LHCGR: variants seen among roughly 807,000 people sequenced by gnomAD.
LHCGR encodes luteinizing hormone/choriogonadotropin receptor.
Under a neutral mutation model 60.7 loss-of-function variants are expected in LHCGR, and 55 were observed. The ratio of observed to expected loss-of-function variants is 0.91; its 90% confidence interval spans 0.73 to 1.13. The LOEUF is 1.13. Among genes scored for constraint, LHCGR ranks in the 50% most tolerant of loss-of-function variants. The pLI is 0.00. For synonymous variants in LHCGR, 337 were observed against 316.5 expected (o/e 1.06, Z -0.69); for missense variants, 862 against 836.0 (o/e 1.03, Z -0.38).
Position 48,714,146 on chromosome 2 carries a change from G to C in LHCGR, c.537-92C>G, listed in dbSNP as rs565416095. The C allele has an allele frequency of 9.2e-4, 750 of 814,020 alleles. 7 individuals carry two copies. The South Asian group carries it at 0.01, about 11-fold the overall frequency. 50.4% of individuals were successfully genotyped at this position (814,020 alleles called of 1,614,324 possible). On this transcript the variant is annotated intron_variant, in intron 6 of 10. Transcript: ENST00000294954. ...TTCCTCCTGTAACATATATTACTAA[G>C]GTTATTACAGGCATTCATAATATCT... is the stretch of plus-strand genomic sequence containing the variant.
chr2:48,688,346 A>G lies in LHCGR; in HGVS notation c.1451T>C (p.Ile484Thr). ...GAGCCATCCTCCAAGCATAATCAGA[A>G]TGGCATGTCTTAATCGCAGCTTTTG... is the stretch of plus-strand genomic sequence containing the variant. ...LDQKLRLRHA[I>T]LIMLGGWLFS... The change falls in exon 11 of 11, where the codon ATT becomes ACT. Residue 484 changes from isoleucine (I) to threonine (T), a missense_variant. Physicochemically the swap from Ile to Thr is moderately conservative, Grantham distance 89. Coordinates refer to ENST00000294954, the MANE Select transcript of LHCGR (RefSeq NM_000233.4). This position sits in a 1 kb window ranked among gnomAD's most constrained non-coding sequence, Gnocchi z 5.2. The G allele has an allele frequency of 6.2e-7, 1 of 1,614,170 alleles. No homozygotes were observed. Among genetic ancestry groups the G allele is most frequent in the Non-Finnish European group, 8.5e-7 (1 of 1,180,032 alleles).
At chr2:48,702,033 G>C (rs528603478) in intron 8 of LHCGR, among the ~76,000 whole-genome samples, 1 of 152,218 alleles carries the variant, frequency 6.6e-6, no homozygotes, top group South Asian at 2.1e-4. Context: ...TTCAATCAAT[G>C]TTTGTTGAAT....
At chr2:48,719,292 T>C (rs1233937730) in intron 6 of LHCGR, among the ~76,000 whole-genome samples, 1 of 152,140 alleles carries the variant, frequency 6.6e-6, no homozygotes, top group Non-Finnish European at 1.5e-5. Context: ...GCTGCTTGGC[T>C]GGTTAGACAC....
In LHCGR at chr2:48,753,604, G is replaced by T. The variant is rs141905714; in HGVS notation, c.161+1907C>A. ...ATTCTTGAAACCCTGCTGAAAGGCA[G>T]CAGGAGAAAGTGGGATTTTTAAAAA... On this transcript the variant is annotated intron_variant, in intron 1 of 10. Coordinates refer to ENST00000294954, the MANE Select transcript of LHCGR (RefSeq NM_000233.4). 2.9e-3 allele frequency among the ~76,000 whole-genome samples: 435 copies of T among 152,284 alleles called. 3 individuals are homozygous for T. The highest frequency in any genetic ancestry group is 0.01 in the African/African-American group (419 of 41,558).
chr2:48,717,436 ATAATAGTATCAACCTCATAAAGCTATTG>A (rs1171330782), intron 6 of LHCGR, among the ~76,000 whole-genome samples: 1 of 152,230 alleles, frequency 6.6e-6, no homozygotes, highest in Admixed American at 6.5e-5. Context: ...TGAAAGTATG[ATAATAGTATCAACCTCATAAAGCTATTG>A]TAAGGACTGA....
chr2:48,695,794 A>G (rs143821390), intron 9 of LHCGR, among the ~76,000 whole-genome samples: 2 of 152,338 alleles, frequency 1.3e-5, no homozygotes, highest in African/African-American at 2.4e-5. Flanking sequence ...TTAAAAAACC[A>G]AATACTGCAT....
rs1483647192 is a variant in LHCGR, at chr2:48,752,995, GGT to G, written c.161+2514_161+2515del. On this transcript the variant is annotated intron_variant, in intron 1 of 10. Coordinates refer to ENST00000294954, the MANE Select transcript of LHCGR (RefSeq NM_000233.4). ...CCGGATTTTGGCGGGGGGGGGGGGG[GGT>G]GGGGAAGGGAAGTGTATGGCACAAG... Among the ~76,000 whole-genome samples, 801 of 95,318 alleles carry G rather than the reference GGT, an allele frequency of 8.4e-3. 4 individuals carry two copies. Among genetic ancestry groups the G allele is most frequent in the East Asian group, 0.025 (67 of 2,646 alleles). The allele number at this position is 95,318 out of a possible 152,430, so 62.5% of individuals were successfully genotyped here.
At chr2:48,737,767 C>T (rs569818083) in intron 1 of LHCGR, among the ~76,000 whole-genome samples, 1 of 152,312 alleles carries the variant, frequency 6.6e-6, no homozygotes, top group East Asian at 1.9e-4. Flanking sequence ...AAAAATACAT[C>T]CAGGTGGTTT....
At chr2:48,711,394 A>C (rs1442177900) in intron 7 of LHCGR, among the ~76,000 whole-genome samples, 1 of 152,220 alleles carries the variant, frequency 6.6e-6, no homozygotes, top group African/African-American at 2.4e-5. Flanking sequence ...TCAGTACCTA[A>C]CACGGTGCTT....
rs144623321 is a variant in LHCGR at position 48,697,022 on chromosome 2, G to C, written c.866+1593C>G. On this transcript the variant is annotated intron_variant, in intron 9 of 10. Transcript: ENST00000294954. ...CAAATTTGAGTCATCTTGCTTAAAA[G>C]TCTTCATGGCTCCCCATCCTCTAAA... 3.3e-3 allele frequency among the ~76,000 whole-genome samples: 501 copies of C among 152,252 alleles called. 16 individuals are homozygous for C. The highest frequency in any genetic ancestry group is 9.7e-4 in the East Asian group (5 of 5,176).
intron 1 of LHCGR, among the ~76,000 whole-genome samples, chr2:48,745,777 C>G (rs967712647): frequency 6.6e-6 from 1 of 150,854 alleles, no homozygotes; most frequent in African/African-American, 2.4e-5. Context: ...AGCGCACCAG[C>G]ATGGCACATG....
rs181287511 is a variant in LHCGR at position 48,703,306 on chromosome 2, T to G, written c.681-4506A>C. Among the ~76,000 whole-genome samples the G allele has an allele frequency of 1.1e-4, 16 of 152,354 alleles. No individual in the cohort carries two copies. In the East Asian group the frequency reaches 3.1e-3, roughly 29 times the overall value. Reference sequence around the variant, plus strand: ...GATCTCATTTGTCAATTTTGGCTTTTGTTGCCATTGCTTTTGGTGTTTTAG... The same window carrying G: ...GATCTCATTTGTCAATTTTGGCTTTGGTTGCCATTGCTTTTGGTGTTTTAG... On this transcript the variant is annotated intron_variant, in intron 8 of 10. Transcript: ENST00000294954.
chr2:48,691,818 C>T lies in LHCGR; in HGVS notation c.947+2406G>A, dbSNP rs185729475. Reference sequence around the variant, plus strand: ...CTGAGATCGTGCCACTGCACTCCAACCTAAGTGACAGACTGAGATTCTGTC... The same window carrying T: ...CTGAGATCGTGCCACTGCACTCCAATCTAAGTGACAGACTGAGATTCTGTC... On this transcript the variant is annotated intron_variant, in intron 10 of 10. Coordinates refer to ENST00000294954, the MANE Select transcript of LHCGR (RefSeq NM_000233.4). Among the ~76,000 whole-genome samples, 479 of 145,912 alleles carry T rather than the reference C, an allele frequency of 3.3e-3. 4 individuals are homozygous for T. Among genetic ancestry groups the T allele is most frequent in the Middle Eastern group, 0.014 (4 of 280 alleles).
In LHCGR at chr2:48,755,346, T is replaced by C. The variant is rs4073367; in HGVS notation, c.161+165A>G. Among the ~76,000 whole-genome samples the C allele has an allele frequency of 0.3, 44,838 of 151,800 alleles. 7,115 individuals carry two copies. The highest frequency in any genetic ancestry group is 0.4 in the East Asian group (2,013 of 5,092). On this transcript the variant is annotated intron_variant, in intron 1 of 10. Transcript: ENST00000294954. ...TGGGGTGGTAAAAACAACCACCAAG[T>C]TTTGGGTTCTCATCACCCTAAAACG...
chr2:48,706,219 G>A (rs1457548645), intron 8 of LHCGR, among the ~76,000 whole-genome samples: 1 of 152,136 alleles, frequency 6.6e-6, no homozygotes, highest in African/African-American at 2.4e-5. Context: ...TTGAATATTG[G>A]CCCCCACTCT....
At chr2:48,739,410 G>C (rs954939968) in intron 1 of LHCGR, among the ~76,000 whole-genome samples, 5 of 152,120 alleles carry the variant, frequency 3.3e-5, no homozygotes, top group Non-Finnish European at 7.3e-5. Flanking sequence ...TTGGAACCAA[G>C]CCAAATGTCC....
At chr2:48,708,802 A>G (rs886209700) in intron 8 of LHCGR, 146 bp downstream of exon 8, 1 of 761,968 alleles carries the variant, frequency 1.3e-6, no homozygotes, top group Non-Finnish European at 2.4e-6. Context: ...GGCAGCTGTG[A>G]TACACTTTGT....
intron 1 of LHCGR, among the ~76,000 whole-genome samples, chr2:48,738,739 A>G (rs2961234): frequency 0.043 from 6,579 of 152,328 alleles, 275 homozygotes; most frequent in East Asian, 0.12. Context: ...AATGCATACC[A>G]GGTTTTGAAG....
chr2:48,721,923 G>C, intron 6 of LHCGR: 1 of 387,476 alleles, frequency 2.6e-6, no homozygotes, highest in Non-Finnish European at 5.1e-6. Flanking sequence ...AGGCCGAGGA[G>C]GGCAGGTCAT....
Sources: allele counts gnomAD v4.1 joint callset (sites outside exome capture counted in the v4.1 genomes callset), GRCh38; gene constraint gnomAD v4.1.1; non-coding constraint Gnocchi (gnomAD v3.1); transcripts MANE v1.5; gene names NCBI Gene and HGNC (gene_info 2026-07-23, HGNC 2026-07-21).